The following CASP6 variants were observed in gnomAD, a reference collection of about 807,000 sequenced individuals.
CASP6 encodes caspase 6, also known as caspase-6.
Under a neutral mutation model 31.8 loss-of-function variants are expected in CASP6, and 20 were observed. The ratio of observed to expected loss-of-function variants is 0.63; its 90% CI spans 0.44 to 0.91. CASP6 has a LOEUF of 0.91. Ranked by LOEUF, CASP6 falls within the 40% of genes least tolerant of loss-of-function variation. The probability of loss-of-function intolerance (pLI) is 0.00; values close to 1 mark genes in which losing one functional copy is unlikely to be tolerated. For synonymous variants in CASP6, 130 were observed against 127.8 expected, an observed-to-expected ratio of 1.02 and a Z score of -0.12; for missense variants, 328 against 361.1, an observed-to-expected ratio of 0.91 and a Z score of 0.74.
the CASP6 span, chr4:109,682,701 A>G: frequency 3.7e-6 from 6 of 1,613,740 alleles, no homozygotes; most frequent in Admixed American, 8.3e-5. Context: ...TTTACTGGAG[A>G]AAATTGACCA....
rs5030526 is a variant in CASP6 at position 109,701,830 on chromosome 4, G to A, written c.40+1526C>T. On this transcript the variant is annotated intron_variant, in intron 1 of 6. Coordinates refer to ENST00000265164, the MANE Select transcript of CASP6 (RefSeq NM_001226.4). ...AAAGTGGGCCAGGCGTGCCAAGGTC[G>A]GCAAAGTGAAGCTGGGATTGAAAGC... is the stretch of plus-strand genomic sequence containing the variant. 5.1e-3 allele frequency among the ~76,000 whole-genome samples: 779 copies of A among 152,172 alleles called. 38 individuals carry two copies. The East Asian group carries it at 0.068, about 13-fold the overall frequency.
chr4:109,698,265 G>A (rs1487428069), intron 2 of CASP6, 35 bp downstream of exon 2: 3 of 1,589,660 alleles, frequency 1.9e-6, no homozygotes, highest in East Asian at 2.3e-5. Flanking sequence ...ACCATCAAAG[G>A]AAGAGACCTT....
chr4:109,676,858 G>T, the CASP6 span, among the ~76,000 whole-genome samples: 1 of 152,208 alleles, frequency 6.6e-6, no homozygotes, highest in African/African-American at 2.4e-5. Flanking sequence ...AAAATGAGAG[G>T]AGAATAGATT....
chr4:109,698,821 G>A (rs1264628596), intron 1 of CASP6, among the ~76,000 whole-genome samples: 1 of 152,194 alleles, frequency 6.6e-6, no homozygotes, highest in African/African-American at 2.4e-5. Flanking sequence ...GAAGGGCAAG[G>A]GCAAAGACTT....
the CASP6 span, among the ~76,000 whole-genome samples, chr4:109,677,802 ATTTTTTT>A: frequency 1.2e-5 from 1 of 86,604 alleles, no homozygotes. Flanking sequence ...AAGGAAACAA[ATTTTTTT>A]TTTTTTTTTT....
At chr4:109,681,769 G>A in the CASP6 span, among the ~76,000 whole-genome samples, 10 of 152,250 alleles carry the variant, frequency 6.6e-5, no homozygotes, top group African/African-American at 2.4e-4. Flanking sequence ...GGATCCGGAA[G>A]AATGTAAGTC....
chr4:109,674,365 T>C, the CASP6 span, among the ~76,000 whole-genome samples: 1 of 152,240 alleles, frequency 6.6e-6, no homozygotes, highest in Non-Finnish European at 1.5e-5. Flanking sequence ...CTAAATGCAC[T>C]TGATGGTGTT....
At chr4:109,684,381 C>T (rs576406566), downstream of CASP6, 6 of 1,368,172 alleles carry the variant, frequency 4.4e-6, no homozygotes, top group African/African-American at 1.5e-5. Flanking sequence ...TTTCATCTTG[C>T]TTTTTGTCCC....
downstream of CASP6, among the ~76,000 whole-genome samples, chr4:109,686,287 C>T (rs569699326): frequency 2.6e-5 from 4 of 152,112 alleles, no homozygotes; most frequent in Admixed American, 6.6e-5. Context: ...TATAGGCGCC[C>T]GCCACCACAC....
chr4:109,673,365 G>A, the CASP6 span, among the ~76,000 whole-genome samples: 323 of 152,202 alleles, frequency 2.1e-3, no homozygotes, highest in African/African-American at 7.3e-3. Context: ...CACAACCTCC[G>A]CACTCCTGCC....
At chr4:109,675,156 C>T in the CASP6 span, among the ~76,000 whole-genome samples, 1 of 152,144 alleles carries the variant, frequency 6.6e-6, no homozygotes, top group East Asian at 1.9e-4. Flanking sequence ...TAGGAAATGC[C>T]ACAGACAAAT....
At chr4:109,680,065 G>A in the CASP6 span, among the ~76,000 whole-genome samples, 13 of 152,260 alleles carry the variant, frequency 8.5e-5, no homozygotes, top group Admixed American at 6.5e-4. Flanking sequence ...GCCTCCCAAA[G>A]TGCTGGTATT....
chr4:109,665,242 ATCTT>A, the CASP6 span, among the ~76,000 whole-genome samples: 1 of 152,174 alleles, frequency 6.6e-6, no homozygotes, highest in African/African-American at 2.4e-5. Context: ...GTTTTTATTA[ATCTT>A]TCTTAAATGT....
downstream of CASP6, chr4:109,684,754 G>A (rs952648598): frequency 1.1e-5 from 7 of 620,268 alleles, no homozygotes; most frequent in Admixed American, 6.0e-5. Flanking sequence ...CTGCCATCTG[G>A]TTTTTATGAG....
chr4:109,687,541 T>C (rs1348834004), downstream of CASP6: 2 of 1,612,968 alleles, frequency 1.2e-6, no homozygotes, highest in Non-Finnish European at 8.5e-7. Flanking sequence ...AACAGGCGCG[T>C]CATTCTCTCT....
chr4:109,676,077 A>T, the CASP6 span, among the ~76,000 whole-genome samples: 1 of 152,234 alleles, frequency 6.6e-6, no homozygotes, highest in Non-Finnish European at 1.5e-5. Flanking sequence ...GAATTTGGTA[A>T]TGGGCAAAGG....
downstream of CASP6, chr4:109,687,627 A>G: frequency 7.0e-7 from 1 of 1,424,956 alleles, no homozygotes; most frequent in Non-Finnish European, 9.8e-7. Flanking sequence ...ATTTTCCATT[A>G]TGTATTGATT....
chr4:109,680,551 T>TTTTTTTTTTTTTTGAGACGGA, the CASP6 span, among the ~76,000 whole-genome samples: 1 of 151,940 alleles, frequency 6.6e-6, no homozygotes, highest in African/African-American at 2.4e-5. Flanking sequence ...ATATGTTTTA[T>TTTTTTTTTTTTTTGAGACGGA]GTACCAATAC....
chr4:109,694,290 T>G (rs1351877873), intron 5 of CASP6, among the ~76,000 whole-genome samples: 1 of 152,154 alleles, frequency 6.6e-6, no homozygotes, highest in African/African-American at 2.4e-5. Context: ...AGCACATTGG[T>G]TACTTTGTGA....
Sources: allele counts gnomAD v4.1 joint callset (sites outside exome capture counted in the v4.1 genomes callset), GRCh38; gene constraint gnomAD v4.1.1; transcripts MANE v1.5; gene names NCBI Gene and HGNC (gene_info 2026-07-23, HGNC 2026-07-21).